CDH4: variants seen among roughly 807,000 people sequenced by gnomAD.
CDH4 encodes cadherin 4, also known as cadherin-4.
CDH4 carries 33 observed loss-of-function variants against 86.0 expected under a neutral mutation model. The ratio of observed to expected loss-of-function variants is 0.38; its 90% CI spans 0.29 to 0.51. CDH4 has a LOEUF of 0.51. Ranked by LOEUF, CDH4 falls within the 20% of genes least tolerant of loss-of-function variation. The pLI, the probability that CDH4 is intolerant of heterozygous loss-of-function variation, is 0.86. For missense variants in CDH4, 1,114 were observed against 1,307.4 expected (o/e 0.85, Z 2.28); for synonymous variants, 555 against 549.4 (o/e 1.01, Z -0.14).
intron 2 of CDH4, among the ~76,000 whole-genome samples, chr20:61,433,147 A>G (rs551334880): frequency 3.3e-4 from 51 of 152,250 alleles, no homozygotes; most frequent in Non-Finnish European, 6.9e-4. Context: ...CCTATGATGG[A>G]TTCTGAGTTA....
At chr20:61,300,659 C>T (rs1345468526) in intron 2 of CDH4, among the ~76,000 whole-genome samples, 1 of 152,190 alleles carries the variant, frequency 6.6e-6, no homozygotes, top group Non-Finnish European at 1.5e-5. Context: ...CTGTTCTGCC[C>T]ACACAGGACC....
chr20:61,872,801 G>A (rs1049703208), intron 6 of CDH4, among the ~76,000 whole-genome samples: 1 of 152,232 alleles, frequency 6.6e-6, no homozygotes, highest in African/African-American at 2.4e-5. Context: ...ACAGCAGTCA[G>A]GAGCTCACAG....
intron 2 of CDH4, among the ~76,000 whole-genome samples, chr20:61,353,074 C>A (rs2084722883): frequency 1.3e-5 from 2 of 152,180 alleles, no homozygotes; most frequent in African/African-American, 4.8e-5. Flanking sequence ...TGACCCGCCA[C>A]AGGGGCTCTC....
chr20:61,833,231 A>G (rs571157226), intron 4 of CDH4, among the ~76,000 whole-genome samples: 18 of 152,276 alleles, frequency 1.2e-4, no homozygotes, highest in Admixed American at 2.6e-4. Flanking sequence ...GACGTTTCCA[A>G]TGGACGAGAC....
rs568941101 is a variant in CDH4, at chr20:61,811,952, A to G, written c.577-32716A>G. ...CTCCCAAAGTGCTAGGATTATAGGCATGAGCCACTGCACCTAGCCGCCTGC... is the reference window on the plus strand; with the variant it reads ...CTCCCAAAGTGCTAGGATTATAGGCGTGAGCCACTGCACCTAGCCGCCTGC... On this transcript the variant is annotated intron_variant, in intron 4 of 15. Transcript: ENST00000614565. This position sits in a 1 kb window ranked among gnomAD's most constrained non-coding sequence, Gnocchi z 4.4. Among the ~76,000 whole-genome samples, 202 of 152,180 alleles carry G rather than the reference A, an allele frequency of 1.3e-3. 3 individuals carry two copies. The highest frequency in any genetic ancestry group is 4.7e-3 in the African/African-American group (196 of 41,522).
intron 2 of CDH4, among the ~76,000 whole-genome samples, chr20:61,354,099 G>A (rs976946941): frequency 2.0e-5 from 3 of 152,058 alleles, no homozygotes; most frequent in Non-Finnish European, 4.4e-5. Context: ...AGAACGTCTA[G>A]GGATGTTGGG....
At chr20:61,794,340 C>T (rs1332238316) in intron 4 of CDH4, among the ~76,000 whole-genome samples, 2 of 151,936 alleles carry the variant, frequency 1.3e-5, no homozygotes, top group African/African-American at 4.8e-5. Flanking sequence ...TCAAGACACC[C>T]GCCTGGGGGC....
intron 11 of CDH4, among the ~76,000 whole-genome samples, chr20:61,925,364 C>T (rs755179001): frequency 1.3e-5 from 2 of 152,308 alleles, no homozygotes; most frequent in African/African-American, 4.8e-5. Context: ...CCAGTACCAC[C>T]GCTTACCAGT....
intron 2 of CDH4, among the ~76,000 whole-genome samples, chr20:61,632,698 G>A (rs1175856048): frequency 7.1e-6 from 1 of 141,542 alleles, no homozygotes; most frequent in Non-Finnish European, 1.5e-5. Context: ...CTTCCCCCAT[G>A]TACCTGACAA....
chr20:61,699,517 T>G, intron 2 of CDH4, among the ~76,000 whole-genome samples: 1 of 138,038 alleles, frequency 7.2e-6, no homozygotes, highest in Non-Finnish European at 1.7e-5. Context: ...AGCAGCACTT[T>G]CTGGCTCTCC....
intron 1 of CDH4, among the ~76,000 whole-genome samples, chr20:61,254,561 G>A (rs2084086818): frequency 6.6e-6 from 1 of 152,204 alleles, no homozygotes; most frequent in Admixed American, 6.5e-5. Context: ...GGCCGGCCTG[G>A]CTTCCCCAAC....
chr20:61,631,229 C>T (rs770138399), intron 2 of CDH4, among the ~76,000 whole-genome samples: 2 of 152,320 alleles, frequency 1.3e-5, no homozygotes, highest in African/African-American at 2.4e-5. Flanking sequence ...TAGGCGTTTC[C>T]GTCTGTGTCC....
chr20:61,358,988 G>A (rs28401694), intron 2 of CDH4, among the ~76,000 whole-genome samples: 107,476 of 151,782 alleles, frequency 0.71, 38,536 homozygotes, highest in South Asian at 0.86. Flanking sequence ...GTGTGCCACA[G>A]CATTCACGTC....
At chr20:61,814,516 A>T (rs1438304513) in intron 4 of CDH4, among the ~76,000 whole-genome samples, 1 of 152,164 alleles carries the variant, frequency 6.6e-6, no homozygotes, top group Non-Finnish European at 1.5e-5. Flanking sequence ...CTTGCAGAAA[A>T]CTTGTTTGTG....
rs528144134 is a variant in CDH4 at position 61,685,782 on chromosome 20, G to A, written c.170-57781G>A. Among the ~76,000 whole-genome samples the A allele has an allele frequency of 4.0e-4, 61 of 152,314 alleles. 1 individual carries two copies. Among genetic ancestry groups the A allele is most frequent in the Admixed American group, 1.2e-3 (18 of 15,312 alleles). Reference sequence around the variant, plus strand: ...TCCAGTCCTCACGGGGCTACCCCTCGTCCCATGTGCACCCTCAGCCCCCTG... The same window carrying A: ...TCCAGTCCTCACGGGGCTACCCCTCATCCCATGTGCACCCTCAGCCCCCTG... On this transcript the variant is annotated intron_variant, in intron 2 of 15. Transcript: ENST00000614565.
intron 4 of CDH4, among the ~76,000 whole-genome samples, chr20:61,792,058 A>G (rs1011078846): frequency 2.0e-5 from 3 of 152,118 alleles, no homozygotes; most frequent in African/African-American, 7.2e-5. Context: ...TGGAAGGTTA[A>G]GGCGAGAGCT....
chr20:61,894,352 C>T (rs995717486), intron 7 of CDH4, among the ~76,000 whole-genome samples: 2 of 152,204 alleles, frequency 1.3e-5, no homozygotes, highest in African/African-American at 4.8e-5. Context: ...TGCGCCTGCA[C>T]GGTAAACTGT....
chr20:61,440,126 C>T (rs2085306600), intron 2 of CDH4, among the ~76,000 whole-genome samples: 1 of 152,228 alleles, frequency 6.6e-6, no homozygotes, highest in Non-Finnish European at 1.5e-5. Flanking sequence ...CCTGCGCTAT[C>T]TTCATCATGA....
chr20:61,693,669 C>T (rs564762892), intron 2 of CDH4, among the ~76,000 whole-genome samples: 7 of 152,210 alleles, frequency 4.6e-5, no homozygotes, highest in African/African-American at 1.7e-4. Flanking sequence ...TCCTGAGCTA[C>T]AGCGTTAGAG....
Sources: gnomAD v4.1 joint callset for allele counts (sites outside exome capture counted in the v4.1 genomes callset) on GRCh38, gnomAD v4.1.1 for gene constraint, Gnocchi (gnomAD v3.1) non-coding constraint, MANE v1.5 for transcripts, NCBI Gene and HGNC (gene_info 2026-07-23, HGNC 2026-07-21) for gene names.